FOCAD: variants seen among roughly 807,000 people sequenced by gnomAD.
The protein encoded by FOCAD is KIAA1797.
A neutral mutation model predicts 225.6 loss-of-function variants in FOCAD; 198 were observed. That is an observed-to-expected ratio of 0.88 (90% CI 0.78 to 0.99). The LOEUF (loss-of-function observed/expected upper bound fraction) is 0.99. FOCAD is among the 50% of genes least tolerant of loss of function. The probability of loss-of-function intolerance (pLI) is 0.00; values close to 1 mark genes in which losing one functional copy is unlikely to be tolerated. For missense variants in FOCAD, 2,713 were observed against 2,123.6 expected (o/e 1.28, Z -5.46); for synonymous variants, 897 against 755.0 (o/e 1.19, Z -3.08).
At chr9:20,785,278 C>G (rs530979272) in intron 10 of FOCAD, among the ~76,000 whole-genome samples, 1 of 152,218 alleles carries the variant, frequency 6.6e-6, no homozygotes, top group Non-Finnish European at 1.5e-5. Flanking sequence ...TTAAAGCATG[C>G]AATTCAGTGG....
At chr9:20,738,946 A>G (rs1287008287) in intron 4 of FOCAD, among the ~76,000 whole-genome samples, 4 of 152,156 alleles carry the variant, frequency 2.6e-5, no homozygotes, top group South Asian at 4.1e-4. Context: ...TTGTGTCCCA[A>G]AGTCTTTTAA....
At chr9:20,706,903 A>T (rs1030619297) in intron 1 of FOCAD, among the ~76,000 whole-genome samples, 1 of 152,128 alleles carries the variant, frequency 6.6e-6, no homozygotes, top group South Asian at 2.1e-4. Flanking sequence ...CATTGTCTTC[A>T]TGTGCGTGGT....
intron 4 of FOCAD, among the ~76,000 whole-genome samples, chr9:20,739,430 C>A (rs1827418324): frequency 6.6e-6 from 1 of 151,948 alleles, no homozygotes; most frequent in Admixed American, 6.6e-5. Flanking sequence ...ATGGTGAAAC[C>A]TTGTCTCTAC....
chr9:20,715,339 G>A lies in FOCAD; in HGVS notation c.-15G>A, dbSNP rs750211968. 2 of 1,509,354 alleles carry A rather than the reference G, an allele frequency of 1.3e-6. No homozygotes were observed. The highest frequency in any genetic ancestry group is 1.8e-6 in the Non-Finnish European group (2 of 1,120,066). The allele number at this position is 1,509,354 out of a possible 1,614,324, so 93.5% of individuals were successfully genotyped here. On this transcript the variant is annotated 5_prime_UTR_variant, in exon 2 of 44. An upstream start codon of the reference 5' UTR is lost. Transcript: ENST00000338382. ...GGTTACAGAAGCTGCACACATACAT[G>A]TAAGAGAAGCAAAAATGTCAGATGA...
chr9:20,895,215 A>G (rs920310031), intron 21 of FOCAD, among the ~76,000 whole-genome samples: 6 of 152,024 alleles, frequency 3.9e-5, no homozygotes, highest in Non-Finnish European at 7.4e-5. Context: ...TGTCTTGATT[A>G]CTGTAGCTCT....
At chr9:20,719,379 G>C (rs1245584200) in intron 3 of FOCAD, among the ~76,000 whole-genome samples, 1 of 152,058 alleles carries the variant, frequency 6.6e-6, no homozygotes, top group African/African-American at 2.4e-5. Context: ...CACAGTGCCT[G>C]GCCTTGATTT....
At chr9:20,982,237 T>A (rs1840763029) in intron 38 of FOCAD, 120 bp from the exon 39 acceptor site, 1 of 610,462 alleles carries the variant, frequency 1.6e-6, no homozygotes, top group Non-Finnish European at 2.7e-6. Flanking sequence ...TTGGTTTGGT[T>A]AAAATTAAAA....
chr9:20,820,817 A>G, intron 13 of FOCAD, 124 bp from the exon 14 acceptor site: 1 of 1,051,210 alleles, frequency 9.5e-7, no homozygotes, highest in Non-Finnish European at 1.4e-6. Context: ...GCTGATTAGA[A>G]GAACGACAGT....
At chr9:20,701,880 G>T (rs955802620) in intron 1 of FOCAD, among the ~76,000 whole-genome samples, 1 of 152,102 alleles carries the variant, frequency 6.6e-6, no homozygotes, top group African/African-American at 2.4e-5. Context: ...GCTGCTTTGG[G>T]AATTTGATTT....
chr9:20,666,031 A>C (rs1821891217), intron 2 of FOCAD, among the ~76,000 whole-genome samples: 1 of 152,136 alleles, frequency 6.6e-6, no homozygotes. Flanking sequence ...AGTAGCTGGG[A>C]TAACAGGCAC....
chr9:20,721,040 T>A lies in FOCAD; in HGVS notation c.287+506T>A, dbSNP rs557166770. Among the ~76,000 whole-genome samples the A allele has an allele frequency of 1.1e-4, 17 of 152,352 alleles. No homozygotes were observed. In the South Asian group the frequency reaches 3.5e-3, roughly 32 times the overall value. On this transcript the variant is annotated intron_variant, in intron 4 of 43. Coordinates refer to ENST00000338382, the MANE Select transcript of FOCAD (RefSeq NM_001375567.1). ...TTTTGTTCTTTGAATTTGTTTGGTA[T>A]GACCATATTTCGTCCATTTACAGAC... is the stretch of plus-strand genomic sequence containing the variant.
chr9:20,925,442 A>G (rs1477363245), intron 25 of FOCAD, among the ~76,000 whole-genome samples: 1 of 152,192 alleles, frequency 6.6e-6, no homozygotes, highest in East Asian at 1.9e-4. Flanking sequence ...GAAACCACAC[A>G]GTCCAAAGAT....
At chr9:20,761,026 G>A (rs369523553) in intron 6 of FOCAD, among the ~76,000 whole-genome samples, 1 of 151,578 alleles carries the variant, frequency 6.6e-6, no homozygotes, top group Non-Finnish European at 1.5e-5. Context: ...TTTTTGGGGG[G>A]GGGCGTTACA....
chr9:20,782,731 T>C (rs1394572521), intron 10 of FOCAD, among the ~76,000 whole-genome samples: 1 of 152,212 alleles, frequency 6.6e-6, no homozygotes, highest in Non-Finnish European at 1.5e-5. Flanking sequence ...AGAGGCACTA[T>C]GTAAATACAA....
chr9:20,802,770 G>C (rs1048385131), intron 11 of FOCAD, among the ~76,000 whole-genome samples: 1 of 152,066 alleles, frequency 6.6e-6, no homozygotes, highest in Non-Finnish European at 1.5e-5. Context: ...GATATAGGCG[G>C]AATTAAAACA....
chr9:20,985,533 T>A (rs1423715565), intron 39 of FOCAD, among the ~76,000 whole-genome samples: 1 of 152,218 alleles, frequency 6.6e-6, no homozygotes, highest in Non-Finnish European at 1.5e-5. Flanking sequence ...AATACCCAGG[T>A]TGAATAACCA....
At position 20,874,674 on chromosome 9, in the gene FOCAD, A is replaced by G. The variant is rs766197834; in HGVS notation, c.2191-7A>G. ...CCTCTCTATGATCTTTTCGCTTATC[A>G]TTTCAGATAAGACCAGAAATTCCCA... On this transcript the variant is annotated splice_region_variant and splice_polypyrimidine_tract_variant and intron_variant, in intron 18 of 43. Transcript: ENST00000338382. The G allele has an allele frequency of 3.1e-6, 5 of 1,611,646 alleles. No homozygotes were observed. Among genetic ancestry groups the G allele is most frequent in the Non-Finnish European group, 4.2e-6 (5 of 1,178,940 alleles).
At chr9:20,893,529 T>C (rs189320117) in intron 21 of FOCAD, among the ~76,000 whole-genome samples, 2 of 152,284 alleles carry the variant, frequency 1.3e-5, no homozygotes, top group African/African-American at 4.8e-5. Context: ...GTACTGTTTG[T>C]GTTGTTATTC....
At chr9:20,901,415 T>C (rs1832551693) in intron 21 of FOCAD, among the ~76,000 whole-genome samples, 1 of 151,954 alleles carries the variant, frequency 6.6e-6, no homozygotes, top group South Asian at 2.1e-4. Flanking sequence ...TACATGCTAC[T>C]CTTCCAATCC....
Sources: gnomAD v4.1 joint callset for allele counts (sites outside exome capture counted in the v4.1 genomes callset) on GRCh38, gnomAD v4.1.1 for gene constraint, MANE v1.5 for transcripts, NCBI Gene and HGNC (gene_info 2026-07-23, HGNC 2026-07-21) for gene names.